The following SLC16A6 variants were observed in gnomAD, a reference collection of about 807,000 sequenced individuals.
SLC16A6 encodes the protein solute carrier family 16 member 6, also known as monocarboxylate transporter 7.
In SLC16A6, 15 loss-of-function variants were observed where a neutral mutation model predicts 33.8. The observed-to-expected ratio is 0.44, with a 90% confidence interval of 0.30 to 0.68. The LOEUF (loss-of-function observed/expected upper bound fraction) is 0.68. Among genes scored for constraint, SLC16A6 ranks in the 30% least tolerant of loss-of-function variants. SLC16A6 has a pLI of 0.10. For missense variants in SLC16A6, 451 were observed against 661.5 expected, an observed-to-expected ratio of 0.68 and a Z score of 3.49; for synonymous variants, 219 against 248.4, an observed-to-expected ratio of 0.88 and a Z score of 1.11.
intron 1 of SLC16A6, 115 bp from the exon 2 acceptor site, chr17:68,278,442 A>G (rs2075593716): frequency 3.1e-6 from 2 of 646,212 alleles, no homozygotes; most frequent in East Asian, 5.5e-5. Context: ...TAAGTTGTTG[A>G]ATATTTATTT....
At chr17:68,285,105 T>A (rs2075811210) in intron 1 of SLC16A6, among the ~76,000 whole-genome samples, 1 of 152,206 alleles carries the variant, frequency 6.6e-6, no homozygotes, top group Non-Finnish European at 1.5e-5. Flanking sequence ...GGAAAATGAA[T>A]GCATCTGAAA....
intron 1 of SLC16A6, among the ~76,000 whole-genome samples, chr17:68,283,317 A>G (rs544076553): frequency 1.3e-5 from 2 of 151,452 alleles, no homozygotes; most frequent in African/African-American, 4.8e-5. Flanking sequence ...TCAGGAGATC[A>G]AGACCATTCT....
At chr17:68,287,084 A>G (rs1034418365) in intron 1 of SLC16A6, among the ~76,000 whole-genome samples, 3 of 152,104 alleles carry the variant, frequency 2.0e-5, no homozygotes, top group Non-Finnish European at 2.9e-5. Context: ...CCCGGGTTCA[A>G]GTGATTCTCC....
intron 4 of SLC16A6, among the ~76,000 whole-genome samples, chr17:68,272,384 C>T (rs2075371245): frequency 6.6e-6 from 1 of 152,178 alleles, no homozygotes; most frequent in East Asian, 1.9e-4. Flanking sequence ...TTCTGGAATG[C>T]ATGTGTCAAG....
chr17:68,287,391 C>T (rs573914435), intron 1 of SLC16A6, among the ~76,000 whole-genome samples: 1 of 152,058 alleles, frequency 6.6e-6, no homozygotes, highest in Admixed American at 6.6e-5. Context: ...AACTCCCGGA[C>T]TCAAGCGATC....
At chr17:68,273,131 TAA>T (rs2075396880) in intron 3 of SLC16A6, among the ~76,000 whole-genome samples, 1 of 152,170 alleles carries the variant, frequency 6.6e-6, no homozygotes, top group Non-Finnish European at 1.5e-5. Context: ...AGGAAAAATT[TAA>T]AGTCTGCAAA....
chr17:68,282,780 A>G (rs1555753228), intron 1 of SLC16A6, among the ~76,000 whole-genome samples: 1 of 74,472 alleles, frequency 1.3e-5, no homozygotes, highest in Non-Finnish European at 2.6e-5. Flanking sequence ...CATCTCTACT[A>G]AAAAAAAAAA....
chr17:68,287,483 T>C (rs868996015), intron 1 of SLC16A6, among the ~76,000 whole-genome samples: 1 of 152,196 alleles, frequency 6.6e-6, no homozygotes, highest in African/African-American at 2.4e-5. Flanking sequence ...TTCATTTCTA[T>C]TTCCTTTCTG....
intron 2 of SLC16A6, 27 bp downstream of exon 2, chr17:68,278,062 C>A: frequency 6.5e-7 from 1 of 1,544,070 alleles, no homozygotes; most frequent in South Asian, 1.1e-5. Context: ...ATACTTACGT[C>A]ATGGTTAGGC....
Position 68,278,085 on chromosome 17 carries a change from T to C in SLC16A6, c.232+4A>G, listed in dbSNP as rs1555751575. On this transcript the variant is annotated splice_donor_region_variant and intron_variant, in intron 2 of 5. Transcript: ENST00000580666. ...GTCATGGTTAGGCCGAAAGATGTAC[T>C]AACCTGAAAATGTTAAGACAAACAC... 2.5e-6 allele frequency: 4 copies of C among 1,608,004 alleles called. No individual in the cohort carries two copies. Among genetic ancestry groups the C allele is most frequent in the Admixed American group, 1.7e-5 (1 of 59,914 alleles).
At chr17:68,290,803 G>T (rs1218042317) in intron 1 of SLC16A6, among the ~76,000 whole-genome samples, 1 of 152,218 alleles carries the variant, frequency 6.6e-6, no homozygotes, top group African/African-American at 2.4e-5. Flanking sequence ...GCACTCAAAG[G>T]CCAGGCGTGC....
rs1284995307 is a variant in SLC16A6 at position 68,272,624 on chromosome 17, T to C, written c.505+15A>G. 1 of 1,613,164 alleles carries C rather than the reference T, an allele frequency of 6.2e-7. No homozygotes were observed. Among genetic ancestry groups the C allele is most frequent in the East Asian group, 2.2e-5 (1 of 44,848 alleles). ...CTCATCCACATTCATACTTAGGCTG[T>C]TGTAGTCCACCTACCTGGTGCGAAA... On this transcript the variant is annotated intron_variant, in intron 4 of 5. Transcript: ENST00000580666.
intron 3 of SLC16A6, 106 bp from the exon 4 acceptor site, chr17:68,272,873 G>A: frequency 7.3e-7 from 1 of 1,363,982 alleles, no homozygotes; most frequent in Non-Finnish European, 1.0e-6. Flanking sequence ...TGAATCTTAA[G>A]TTCTAGGAGC....
chr17:68,286,486 G>C (rs1280645324), intron 1 of SLC16A6, among the ~76,000 whole-genome samples: 1 of 152,148 alleles, frequency 6.6e-6, no homozygotes, highest in African/African-American at 2.4e-5. Context: ...TGCTGTACAA[G>C]CCTACAGGAG....
intron 2 of SLC16A6, among the ~76,000 whole-genome samples, chr17:68,275,071 C>T (rs1003313456): frequency 2.0e-5 from 3 of 152,174 alleles, no homozygotes; most frequent in African/African-American, 4.8e-5. Flanking sequence ...TGAGCCACCG[C>T]GCCCAGCCTA....
At chr17:68,276,795 A>G (rs1228493575) in intron 2 of SLC16A6, among the ~76,000 whole-genome samples, 1 of 152,202 alleles carries the variant, frequency 6.6e-6, no homozygotes, top group Admixed American at 6.5e-5. Context: ...CTTTTCTCTT[A>G]GAAAACCCTT....
chr17:68,281,320 G>A (rs1026511598), intron 1 of SLC16A6, among the ~76,000 whole-genome samples: 1 of 152,134 alleles, frequency 6.6e-6, no homozygotes, highest in African/African-American at 2.4e-5. Context: ...TGTAATCCCA[G>A]CACTTTGGGA....
rs1268192344 is a variant in SLC16A6 at position 68,268,620 on chromosome 17, T to C, written c.*476A>G. 6.6e-6 allele frequency: 1 copy of C among 152,404 alleles called. No homozygotes were observed. The highest frequency in any genetic ancestry group is 1.5e-5 in the Non-Finnish European group (1 of 68,268). 9.4% of individuals were successfully genotyped at this position (152,404 alleles called of 1,614,324 possible). On this transcript the variant is annotated 3_prime_UTR_variant, in exon 6 of 6. Coordinates refer to ENST00000580666, the MANE Select transcript of SLC16A6 (RefSeq NM_004694.5). The stretch of plus-strand genomic sequence containing the variant: ...AAAAATGATTGAAGTCTTTTTTTTT[T>C]TGACTGGCCAATTTCATTTCAATGA...
chr17:68,273,894 T>TA, intron 3 of SLC16A6, 33 bp downstream of exon 3: 6 of 1,609,096 alleles, frequency 3.7e-6, no homozygotes, highest in Non-Finnish European at 5.1e-6. Context: ...ACTAAGTGTC[T>TA]AGACAACTTC....
Sources: gnomAD v4.1 joint callset for allele counts (sites outside exome capture counted in the v4.1 genomes callset) on GRCh38, gnomAD v4.1.1 for gene constraint, MANE v1.5 for transcripts, NCBI Gene and HGNC (gene_info 2026-07-23, HGNC 2026-07-21) for gene names.